DPY19L3: variants seen among roughly 807,000 people sequenced by gnomAD.
DPY19L3 encodes the protein dpy-19 like C-mannosyltransferase 3.
Under a neutral mutation model 92.3 loss-of-function variants are expected in DPY19L3, and 51 were observed. That is an observed-to-expected ratio of 0.55 (90% CI 0.44 to 0.70). DPY19L3 has a LOEUF of 0.70. DPY19L3 is among the 30% of genes least tolerant of loss of function. The pLI, the probability that DPY19L3 is intolerant of heterozygous loss-of-function variation, is 0.00. For synonymous variants in DPY19L3, 309 were observed against 315.2 expected (o/e 0.98, Z 0.21); for missense variants, 706 against 855.9 (o/e 0.82, Z 2.18).
chr19:32,412,456 A>AG (rs1261079949), intron 3 of DPY19L3: 2 of 148,808 alleles, frequency 1.3e-5, no homozygotes, highest in Non-Finnish European at 3.0e-5. Flanking sequence ...TACAACAGGA[A>AG]AAAAAAAAAA....
intron 12 of DPY19L3, among the ~76,000 whole-genome samples, 156 bp downstream of exon 12, chr19:32,458,665 T>G (rs1969945042): frequency 6.6e-6 from 1 of 152,154 alleles, no homozygotes; most frequent in Admixed American, 6.6e-5. Context: ...ACACTCCCAG[T>G]AGTTAGGAGA....
intron 16 of DPY19L3, among the ~76,000 whole-genome samples, chr19:32,475,956 CTCATTG>C (rs1970495980): frequency 6.6e-6 from 1 of 152,212 alleles, no homozygotes; most frequent in African/African-American, 2.4e-5. Context: ...ATTATGTATG[CTCATTG>C]TCATTCCAGC....
intron 3 of DPY19L3, among the ~76,000 whole-genome samples, chr19:32,419,855 ATTTT>A (rs1189166828): frequency 1.8e-5 from 2 of 111,858 alleles, no homozygotes; most frequent in Non-Finnish European, 1.9e-5. Flanking sequence ...GCACTCCCCC[ATTTT>A]TTTTTTTTTT....
At chr19:32,428,757 T>G (rs1041944653) in intron 3 of DPY19L3, among the ~76,000 whole-genome samples, 6 of 152,188 alleles carry the variant, frequency 3.9e-5, no homozygotes, top group Non-Finnish European at 7.3e-5. Context: ...CAGTCATTTT[T>G]TGTGTGTGTG....
chr19:32,436,094 T>C (rs1216540638), intron 4 of DPY19L3, among the ~76,000 whole-genome samples: 1 of 152,212 alleles, frequency 6.6e-6, no homozygotes, highest in Non-Finnish European at 1.5e-5. Flanking sequence ...AGGAAGGCCA[T>C]GTATACTCTC....
At chr19:32,430,519 A>G (rs1203782823) in intron 3 of DPY19L3, among the ~76,000 whole-genome samples, 1 of 152,198 alleles carries the variant, frequency 6.6e-6, no homozygotes, top group Non-Finnish European at 1.5e-5. Flanking sequence ...TCTAAAAGGA[A>G]TTAACAAACA....
intron 10 of DPY19L3, among the ~76,000 whole-genome samples, chr19:32,457,349 CCGTGAGT>C (rs1229623092): frequency 6.6e-6 from 1 of 152,138 alleles, no homozygotes; most frequent in Non-Finnish European, 1.5e-5. Flanking sequence ...TCTTATAAAC[CCGTGAGT>C]AACATAAATA....
chr19:32,479,839 G>A (rs1970620589), intron 17 of DPY19L3, among the ~76,000 whole-genome samples: 1 of 152,214 alleles, frequency 6.6e-6, no homozygotes, highest in Non-Finnish European at 1.5e-5. Flanking sequence ...ACGAGAGGGA[G>A]AGGAGCAGTG....
chr19:32,461,545 T>C (rs548988968), intron 12 of DPY19L3, among the ~76,000 whole-genome samples: 9 of 152,330 alleles, frequency 5.9e-5, no homozygotes, highest in Admixed American at 1.3e-4. Flanking sequence ...TTTGTACCAA[T>C]ATGGAAACCA....
At chr19:32,418,305 A>G (rs1002897627) in intron 3 of DPY19L3, among the ~76,000 whole-genome samples, 1 of 152,162 alleles carries the variant, frequency 6.6e-6, no homozygotes, top group African/African-American at 2.4e-5. Flanking sequence ...TGTTAGAACC[A>G]TTTCTCAAAC....
At chr19:32,458,591 G>A (rs1160896290) in intron 12 of DPY19L3, 82 bp downstream of exon 12, 3 of 1,387,638 alleles carry the variant, frequency 2.2e-6, no homozygotes, top group African/African-American at 1.5e-5. Flanking sequence ...TTGAAAGTCA[G>A]AATATCAGAC....
chr19:32,453,368 A>G, intron 9 of DPY19L3, 92 bp downstream of exon 9: 1 of 1,306,680 alleles, frequency 7.7e-7, no homozygotes, highest in Non-Finnish European at 1.0e-6. Context: ...ACAAAGGGAA[A>G]TTTACAACCT....
At chr19:32,430,709 A>T (rs763354726) in intron 3 of DPY19L3, among the ~76,000 whole-genome samples, 3 of 151,518 alleles carry the variant, frequency 2.0e-5, no homozygotes, top group Non-Finnish European at 4.4e-5. Context: ...TCAGCCTCCC[A>T]GTAGGCTGAG....
intron 8 of DPY19L3, among the ~76,000 whole-genome samples, chr19:32,449,262 G>A (rs907010223): frequency 3.3e-5 from 5 of 152,178 alleles, no homozygotes; most frequent in African/African-American, 1.2e-4. Context: ...ACAAAGCATT[G>A]TTGAAAGTTT....
intron 9 of DPY19L3, among the ~76,000 whole-genome samples, chr19:32,454,333 G>A (rs1387102659): frequency 6.6e-6 from 1 of 152,116 alleles, no homozygotes; most frequent in African/African-American, 2.4e-5. Flanking sequence ...CCAGCGCTTT[G>A]GGAGGCCAAG....
Position 32,453,191 on chromosome 19 carries a change from G to A in DPY19L3, c.902G>A (p.Cys301Tyr). The stretch of plus-strand genomic sequence containing the variant: ...CAGATAACAAGTTTACTCCTGGTCT[G>A]CATTCTTCAGTTTTTTAATTCCATG... ...GIQITSLLLV[C>Y]ILQFFNSMIL... The change falls in exon 9 of 19, where the codon TGC becomes TAC. Residue 301 changes from cysteine (C) to tyrosine (Y), a missense_variant. By Grantham distance (194) the Cys-to-Tyr change is radical (BLOSUM62 -2). Coordinates refer to ENST00000392250, the MANE Select transcript of DPY19L3 (RefSeq NM_001172774.2). 6.2e-7 allele frequency: 1 copy of A among 1,613,986 alleles called. No individual in the cohort carries two copies. The highest frequency in any genetic ancestry group is 1.7e-5 in the Admixed American group (1 of 60,008).
intron 16 of DPY19L3, among the ~76,000 whole-genome samples, chr19:32,473,088 C>T (rs1357199981): frequency 1.3e-5 from 2 of 152,188 alleles, no homozygotes; most frequent in African/African-American, 2.4e-5. Flanking sequence ...ATTAGTTCAA[C>T]AGCAATTAAC....
chr19:32,455,071 A>G (rs1555723664), intron 10 of DPY19L3, 31 bp downstream of exon 10: 2 of 1,328,786 alleles, frequency 1.5e-6, no homozygotes, highest in Non-Finnish European at 2.1e-6. Flanking sequence ...TGTTTAATGT[A>G]TTTTTAATTA....
intron 8 of DPY19L3, among the ~76,000 whole-genome samples, chr19:32,441,616 G>T (rs1441053567): frequency 2.6e-5 from 4 of 151,164 alleles, no homozygotes; most frequent in African/African-American, 9.7e-5. Context: ...TCCTGCCTCA[G>T]CCTCCCAAGT....
Sources: allele counts gnomAD v4.1 joint callset (sites outside exome capture counted in the v4.1 genomes callset), GRCh38; gene constraint gnomAD v4.1.1; transcripts MANE v1.5; gene names NCBI Gene and HGNC (gene_info 2026-07-23, HGNC 2026-07-21).